PTPRB: variants seen among roughly 807,000 people sequenced by gnomAD.
PTPRB encodes receptor-type tyrosine-protein phosphatase beta.
In PTPRB, 97 loss-of-function variants were observed where a neutral mutation model predicts 238.1. The ratio of observed to expected loss-of-function variants is 0.41; its 90% CI spans 0.35 to 0.48. The LOEUF (loss-of-function observed/expected upper bound fraction) is 0.48, where lower values mean the gene tolerates loss of function less well. Ranked by LOEUF, PTPRB falls within the 20% of genes least tolerant of loss-of-function variation. The pLI, the probability that PTPRB is intolerant of heterozygous loss-of-function variation, is 0.30. For synonymous variants in PTPRB, 970 were observed against 995.4 expected (o/e 0.97, Z 0.48); for missense variants, 2,292 against 2,681.9 (o/e 0.85, Z 3.21).
chr12:70,528,943 A>AAGTT (rs1223212770), intron 32 of PTPRB, among the ~76,000 whole-genome samples: 3 of 152,010 alleles, frequency 2.0e-5, no homozygotes, highest in South Asian at 2.1e-4. Context: ...GATCTTTTTG[A>AAGTT]AGTTAGATGG....
chr12:70,604,961 G>C (rs942040907), intron 4 of PTPRB, among the ~76,000 whole-genome samples: 1 of 152,052 alleles, frequency 6.6e-6, no homozygotes, highest in Admixed American at 6.6e-5. Context: ...TAGAGTCAGG[G>C]GTATTTTGTT....
At chr12:70,634,538 A>G (rs1343207870) in intron 2 of PTPRB, among the ~76,000 whole-genome samples, 1 of 152,096 alleles carries the variant, frequency 6.6e-6, no homozygotes, top group African/African-American at 2.4e-5. Flanking sequence ...GCTTTGTTGC[A>G]CCTATCAACC....
intron 33 of PTPRB, among the ~76,000 whole-genome samples, chr12:70,523,657 G>C (rs1413487562): frequency 6.6e-6 from 1 of 152,116 alleles, no homozygotes; most frequent in African/African-American, 2.4e-5. Context: ...CTGCTCAGCT[G>C]CAGGAACCCC....
At chr12:70,537,871 TC>T (rs1164936807) in intron 28 of PTPRB, among the ~76,000 whole-genome samples, 3 of 152,186 alleles carry the variant, frequency 2.0e-5, no homozygotes, top group African/African-American at 7.2e-5. Flanking sequence ...AGGTCCATCT[TC>T]CTTAGGAAGC....
intron 14 of PTPRB, among the ~76,000 whole-genome samples, chr12:70,567,383 C>T (rs1203347322): frequency 6.6e-6 from 1 of 152,186 alleles, no homozygotes; most frequent in Non-Finnish European, 1.5e-5. Context: ...CACAGACATC[C>T]AACACTCAAG....
At chr12:70,604,958 A>T (rs1290356838) in intron 4 of PTPRB, among the ~76,000 whole-genome samples, 1 of 152,218 alleles carries the variant, frequency 6.6e-6, no homozygotes, top group Non-Finnish European at 1.5e-5. Context: ...ACCTAGAGTC[A>T]GGGGTATTTT....
intron 2 of PTPRB, among the ~76,000 whole-genome samples, chr12:70,629,629 A>T (rs1008274164): frequency 2.6e-5 from 4 of 152,186 alleles, no homozygotes; most frequent in Non-Finnish European, 5.9e-5. Flanking sequence ...GACACAAAAA[A>T]CCCTTCAAAA....
In PTPRB at chr12:70,585,942, C is replaced by T. The variant is rs113376018; in HGVS notation, c.2311+1065G>A. Among the ~76,000 whole-genome samples the T allele has an allele frequency of 1.2e-3, 185 of 152,100 alleles. 1 individual carries two copies. The highest frequency in any genetic ancestry group is 4.3e-3 in the African/African-American group (178 of 41,470). ...ATAGTTTGCTCAGAATGATGGTTTC[C>T]AGCTTCATTCACGTCCCTACCAAGG... On this transcript the variant is annotated intron_variant, in intron 9 of 33. Transcript: ENST00000334414.
intron 4 of PTPRB, among the ~76,000 whole-genome samples, chr12:70,599,249 G>T (rs936448263): frequency 6.6e-6 from 1 of 152,076 alleles, no homozygotes; most frequent in African/African-American, 2.4e-5. Context: ...TATATATGGA[G>T]AAAGAGAAAA....
chr12:70,517,252 C>T lies in PTPRB; in HGVS notation c.*4237G>A. ...ACCATCTGGCCAACATAGAGTGAAT[C>T]CTCAAAAGGGCAACATGTCCTAATA... is the stretch of plus-strand genomic sequence containing the variant. On this transcript the variant is annotated 3_prime_UTR_variant, in exon 34 of 34. Coordinates refer to ENST00000334414, the MANE Select transcript of PTPRB (RefSeq NM_001109754.4). The T allele has an allele frequency of 6.6e-6, 1 of 152,154 alleles. No homozygotes were observed. 9.4% of individuals were successfully genotyped at this position (152,154 alleles called of 1,614,324 possible).
At chr12:70,607,488 T>C (rs1884042803) in intron 4 of PTPRB, among the ~76,000 whole-genome samples, 1 of 152,106 alleles carries the variant, frequency 6.6e-6, no homozygotes, top group South Asian at 2.1e-4. Flanking sequence ...GTTCTAATTA[T>C]GTGGTCTATT....
chr12:70,559,434 A>C lies in PTPRB; in HGVS notation c.4623T>G (p.Arg1541=), dbSNP rs1481629500. The C allele has an allele frequency of 6.2e-7, 1 of 1,613,982 alleles. No individual in the cohort carries two copies. Among genetic ancestry groups the C allele is most frequent in the Admixed American group, 1.7e-5 (1 of 60,012 alleles). The part of the protein sequence containing the change: ...KSEGRIVYGL[R]PGRSYQFNVK... Reference sequence around the variant, plus strand: ...CGTTGAATTGATAGGATCTCCCTGGACGAAGACCATACACAATGCGTCCTT... The same window carrying C: ...CGTTGAATTGATAGGATCTCCCTGGCCGAAGACCATACACAATGCGTCCTT... The change falls in exon 18 of 34, where the codon CGT becomes CGG. Residue 1541 remains arginine, a synonymous_variant. Coordinates refer to ENST00000334414, the MANE Select transcript of PTPRB (RefSeq NM_001109754.4).
In PTPRB at chr12:70,544,603, T is replaced by G; in HGVS notation, c.5448A>C (p.Pro1816=). The change falls in exon 22 of 34, where the codon CCA becomes CCC. Residue 1816 remains proline (P), a synonymous_variant. Coordinates refer to ENST00000334414, the MANE Select transcript of PTPRB (RefSeq NM_001109754.4). ...FDEDLKEFTK[P]LYSDTFFSLP... is the part of the protein sequence containing the mutation. ...AAGAAAAAAATGTGTCTGAATAGAG[T>G]GGCTTTGTGAATTCCTTCAGGTCCT... is the stretch of plus-strand genomic sequence containing the variant. 6.2e-7 allele frequency: 1 copy of G among 1,610,884 alleles called. No homozygotes were observed.
intron 7 of PTPRB, among the ~76,000 whole-genome samples, chr12:70,591,542 A>G (rs1466944053): frequency 6.6e-6 from 1 of 152,240 alleles, no homozygotes; most frequent in Admixed American, 6.5e-5. Context: ...ATATCAATAC[A>G]GTCACTATTA....
In PTPRB at chr12:70,592,300, T is replaced by C; in HGVS notation, c.1762A>G (p.Met588Val). ...CVSGELSAQK[M>V]AVGRTFPDKV... Reference sequence around the variant, plus strand: ...GACTCACATGTTCTGCCCACTGCCATCTTCTGAGCAGACAGTTCACCAGAG... The same window carrying C: ...GACTCACATGTTCTGCCCACTGCCACCTTCTGAGCAGACAGTTCACCAGAG... Residue 588 changes from methionine to valine, a missense_variant, in exon 7 of 34, where the codon ATG becomes GTG. Met to Val is a conservative substitution (Grantham distance 21). Transcript: ENST00000334414. 1 of 1,614,050 alleles carries C rather than the reference T, an allele frequency of 6.2e-7. No individual in the cohort carries two copies.
At chr12:70,620,737 A>G (rs1884892232) in intron 3 of PTPRB, among the ~76,000 whole-genome samples, 1 of 152,182 alleles carries the variant, frequency 6.6e-6, no homozygotes, top group African/African-American at 2.4e-5. Context: ...GGAGGCCATT[A>G]TCTTAAGAGA....
intron 4 of PTPRB, among the ~76,000 whole-genome samples, chr12:70,607,269 G>A (rs1276173056): frequency 6.6e-6 from 1 of 152,166 alleles, no homozygotes; most frequent in East Asian, 1.9e-4. Context: ...ACTTCTGAAA[G>A]CTCAGCCTGC....
intron 31 of PTPRB, among the ~76,000 whole-genome samples, chr12:70,532,726 C>T (rs188492256): frequency 2.1e-3 from 323 of 152,122 alleles, no homozygotes; most frequent in African/African-American, 7.0e-3. Flanking sequence ...ACTGCAGCCT[C>T]GACCTCCCAG....
chr12:70,609,603 G>C (rs1884261854), intron 3 of PTPRB, among the ~76,000 whole-genome samples: 1 of 152,178 alleles, frequency 6.6e-6, no homozygotes, highest in Non-Finnish European at 1.5e-5. Flanking sequence ...ATTCTGGGTT[G>C]GGGGGCTCAC....
Sources: allele counts gnomAD v4.1 joint callset (sites outside exome capture counted in the v4.1 genomes callset), GRCh38; gene constraint gnomAD v4.1.1; transcripts MANE v1.5; gene names NCBI Gene and HGNC (gene_info 2026-07-23, HGNC 2026-07-21).